The following LOXL2 variants were observed in gnomAD, a reference collection of about 807,000 sequenced individuals.
The protein encoded by LOXL2 is lysyl oxidase homolog 2.
Under a neutral mutation model 93.0 loss-of-function variants are expected in LOXL2, and 70 were observed. That is an observed-to-expected ratio of 0.75 (90% CI 0.62 to 0.92). The LOEUF (loss-of-function observed/expected upper bound fraction) is 0.92, where lower values mean the gene tolerates loss of function less well. LOXL2 is among the 40% of genes least tolerant of loss of function. LOXL2 has a pLI of 0.00. For missense variants in LOXL2, 973 were observed against 1,054.9 expected, an observed-to-expected ratio of 0.92 and a Z score of 1.08; for synonymous variants, 438 against 413.2, an observed-to-expected ratio of 1.06 and a Z score of -0.73.
chr8:23,402,236 CACAT>C (rs1324461702), intron 1 of LOXL2, among the ~76,000 whole-genome samples: 2 of 97,808 alleles, frequency 2.0e-5, no homozygotes, highest in Admixed American at 9.4e-5. Context: ...CCGGTGCACA[CACAT>C]ACACAAACAC....
chr8:23,353,291 G>A (rs1023050346), intron 3 of LOXL2, among the ~76,000 whole-genome samples: 3 of 152,172 alleles, frequency 2.0e-5, no homozygotes, highest in Admixed American at 2.0e-4. Context: ...GGGAGGTTTG[G>A]TTGGGGCTCT....
chr8:23,367,861 C>T, intron 2 of LOXL2, 136 bp downstream of exon 2: 4 of 726,850 alleles, frequency 5.5e-6, no homozygotes, highest in Non-Finnish European at 9.0e-6. Context: ...CAGAAGGATG[C>T]CAGTCCCTGG....
At chr8:23,314,873 A>G (rs1803369817) in intron 9 of LOXL2, among the ~76,000 whole-genome samples, 2 of 152,260 alleles carry the variant, frequency 1.3e-5, no homozygotes, top group Middle Eastern at 3.4e-3. Context: ...AAAAACAACA[A>G]CAAAAAACAA....
intron 9 of LOXL2, among the ~76,000 whole-genome samples, chr8:23,312,078 A>AC (rs1178781755): frequency 6.6e-6 from 1 of 152,352 alleles, no homozygotes; most frequent in African/African-American, 2.4e-5. Context: ...CGACACATAC[A>AC]CCGTCCCAAG....
chr8:23,313,894 T>A (rs1314164623), intron 9 of LOXL2, among the ~76,000 whole-genome samples: 2 of 148,574 alleles, frequency 1.3e-5, no homozygotes, highest in Non-Finnish European at 3.0e-5. Flanking sequence ...GGCAACCTAC[T>A]CATCTGACAA....
At chr8:23,356,874 T>A (rs1237430409) in intron 3 of LOXL2, among the ~76,000 whole-genome samples, 2 of 152,106 alleles carry the variant, frequency 1.3e-5, no homozygotes, top group Non-Finnish European at 2.9e-5. Flanking sequence ...GATCTCCAGC[T>A]TTCTCCAAGG....
intron 3 of LOXL2, among the ~76,000 whole-genome samples, chr8:23,348,745 C>T (rs1046399184): frequency 1.5e-4 from 23 of 151,918 alleles, no homozygotes; most frequent in Non-Finnish European, 2.4e-4. Flanking sequence ...GGCATGGTGG[C>T]GGGCACCTGT....
chr8:23,399,910 C>G (rs1418949526), intron 1 of LOXL2, among the ~76,000 whole-genome samples: 2 of 152,196 alleles, frequency 1.3e-5, no homozygotes, highest in African/African-American at 4.8e-5. Flanking sequence ...AATGTCTTGC[C>G]ACTTCGGAGT....
At chr8:23,382,902 T>C (rs1207358248) in intron 1 of LOXL2, among the ~76,000 whole-genome samples, 1 of 152,174 alleles carries the variant, frequency 6.6e-6, no homozygotes, top group African/African-American at 2.4e-5. Flanking sequence ...GAGGTGACTG[T>C]ACCCGATTAG....
chr8:23,397,043 T>C lies in LOXL2; in HGVS notation c.-84+6911A>G, dbSNP rs140845381. On this transcript the variant is annotated intron_variant, in intron 1 of 13. Coordinates refer to ENST00000389131, the MANE Select transcript of LOXL2 (RefSeq NM_002318.3). ...TCAGGCTCAACAAGGAAGGAAATTC[T>C]GACACAGGTTACAACGTGAAAAAAC... Among the ~76,000 whole-genome samples the C allele has an allele frequency of 2.6e-3, 392 of 152,372 alleles. 1 individual carries two copies. Among genetic ancestry groups the C allele is most frequent in the African/African-American group, 9.1e-3 (380 of 41,594 alleles).
At chr8:23,382,998 C>T (rs1208112136) in intron 1 of LOXL2, among the ~76,000 whole-genome samples, 1 of 152,166 alleles carries the variant, frequency 6.6e-6, no homozygotes, top group Admixed American at 6.5e-5. Flanking sequence ...AGGGCTGCTC[C>T]ACCCACACCC....
At chr8:23,365,648 C>G (rs910972775) in intron 2 of LOXL2, 1 of 152,048 alleles carries the variant, frequency 6.6e-6, no homozygotes, top group African/African-American at 2.4e-5. Flanking sequence ...TACACCTCCT[C>G]TCTCAGAGAC....
chr8:23,385,546 C>T (rs1804747580), intron 1 of LOXL2, among the ~76,000 whole-genome samples: 1 of 152,014 alleles, frequency 6.6e-6, no homozygotes, highest in African/African-American at 2.4e-5. Flanking sequence ...AGGCATGAGC[C>T]ACTACACCCA....
intron 3 of LOXL2, among the ~76,000 whole-genome samples, chr8:23,351,126 C>G (rs1316564905): frequency 1.3e-5 from 2 of 152,174 alleles, no homozygotes; most frequent in Non-Finnish European, 2.9e-5. Flanking sequence ...ATCCTCATGT[C>G]TAGTGTAGGG....
At chr8:23,379,612 T>A (rs2117224379) in intron 1 of LOXL2, among the ~76,000 whole-genome samples, 1 of 151,036 alleles carries the variant, frequency 6.6e-6, no homozygotes, top group South Asian at 2.1e-4. Flanking sequence ...TCCCTTTGTT[T>A]ACCTACTCAA....
At chr8:23,375,674 A>T (rs933956440) in intron 1 of LOXL2, among the ~76,000 whole-genome samples, 6 of 152,058 alleles carry the variant, frequency 3.9e-5, no homozygotes, top group African/African-American at 1.4e-4. Flanking sequence ...CCCTTGCAAG[A>T]TGGATTACTA....
At chr8:23,382,587 CTT>C (rs1474311818) in intron 1 of LOXL2, 1 of 151,478 alleles carries the variant, frequency 6.6e-6, no homozygotes, top group Non-Finnish European at 1.5e-5. Context: ...AACTTTCTGA[CTT>C]TATCCTCACT....
intron 5 of LOXL2, among the ~76,000 whole-genome samples, chr8:23,330,877 AC>A (rs1261240609): frequency 6.6e-6 from 1 of 152,088 alleles, no homozygotes; most frequent in African/African-American, 2.4e-5. Context: ...TCCTGGAGGC[AC>A]ACATATGATG....
chr8:23,345,601 A>T, intron 3 of LOXL2, among the ~76,000 whole-genome samples: 1 of 152,216 alleles, frequency 6.6e-6, no homozygotes, highest in East Asian at 1.9e-4. Flanking sequence ...GCCCACACAC[A>T]TAACCTCTCT....
Sources: allele counts gnomAD v4.1 joint callset (sites outside exome capture counted in the v4.1 genomes callset), GRCh38; gene constraint gnomAD v4.1.1; transcripts MANE v1.5; gene names NCBI Gene and HGNC (gene_info 2026-07-23, HGNC 2026-07-21).